Variants in DLC1 observed in about 807,000 individuals in gnomAD.
DLC1 encodes the protein rho GTPase-activating protein 7.
DLC1 carries 54 observed loss-of-function variants against 140.3 expected under a neutral mutation model. That is an observed-to-expected ratio of 0.38 (90% confidence interval 0.31 to 0.48). The LOEUF (loss-of-function observed/expected upper bound fraction) is 0.48. DLC1 is among the 20% of genes least tolerant of loss of function. The probability of loss-of-function intolerance (pLI) is 0.96; values close to 1 mark genes in which losing one functional copy is unlikely to be tolerated. For missense variants in DLC1, 2,536 were observed against 1,907.0 expected (o/e 1.33, Z -6.14); for synonymous variants, 986 against 728.1 (o/e 1.35, Z -5.70).
At chr8:13,429,069 A>C (rs1401704851) in intron 2 of DLC1, among the ~76,000 whole-genome samples, 1 of 152,214 alleles carries the variant, frequency 6.6e-6, no homozygotes, top group Non-Finnish European at 1.5e-5. Context: ...TTTACGATTA[A>C]AGGGATGAAC....
chr8:13,411,945 C>T (rs1385401568), intron 2 of DLC1, among the ~76,000 whole-genome samples: 3 of 151,966 alleles, frequency 2.0e-5, no homozygotes, highest in Non-Finnish European at 4.4e-5. Flanking sequence ...TAAATTTCAT[C>T]TGCAAGAGAA....
chr8:13,567,663 A>T (rs1002396317), intron 1 of DLC1: 5 of 1,551,840 alleles, frequency 3.2e-6, no homozygotes, highest in Non-Finnish European at 4.4e-6. Flanking sequence ...TACTGGAGTC[A>T]TTTCTACTCC....
chr8:13,237,195 A>ATGTG (rs1234302531), intron 5 of DLC1, among the ~76,000 whole-genome samples: 444 of 102,854 alleles, frequency 4.3e-3, no homozygotes, highest in South Asian at 0.032. Context: ...ATATATATAT[A>ATGTG]TATGTGTGTG....
At chr8:13,600,431 A>T (rs1486276056) in intron 1 of DLC1, among the ~76,000 whole-genome samples, 1 of 151,788 alleles carries the variant, frequency 6.6e-6, no homozygotes, top group Non-Finnish European at 1.5e-5. Context: ...TGTTATTTGG[A>T]CCCCAGAAAA....
intron 5 of DLC1, among the ~76,000 whole-genome samples, chr8:13,271,063 A>G (rs751867586): frequency 8.5e-5 from 13 of 152,172 alleles, no homozygotes; most frequent in Non-Finnish European, 1.8e-4. Flanking sequence ...TATATAATAT[A>G]TTCTCTCATC....
At chr8:13,380,261 G>A (rs1311510682) in intron 4 of DLC1, among the ~76,000 whole-genome samples, 3 of 152,068 alleles carry the variant, frequency 2.0e-5, no homozygotes, top group East Asian at 1.9e-4. Flanking sequence ...TATTCTCCCC[G>A]GAAAACTACT....
chr8:13,443,621 G>C (rs1385739527), intron 2 of DLC1, among the ~76,000 whole-genome samples: 1 of 136,224 alleles, frequency 7.3e-6, no homozygotes, highest in African/African-American at 2.8e-5. Context: ...TCGCGCCACT[G>C]CACTCCAGCC....
intron 5 of DLC1, among the ~76,000 whole-genome samples, chr8:13,219,154 T>TTA (rs1214433592): frequency 4.6e-4 from 26 of 56,968 alleles, no homozygotes; most frequent in Non-Finnish European, 7.7e-4. Context: ...AATTATATAA[T>TTA]TATATGAATA....
chr8:13,373,578 T>A (rs1835826331), intron 4 of DLC1, among the ~76,000 whole-genome samples: 1 of 152,222 alleles, frequency 6.6e-6, no homozygotes. Context: ...TGCCATAGGA[T>A]TTACACAACA....
chr8:13,327,971 C>T, intron 4 of DLC1, among the ~76,000 whole-genome samples: 1 of 152,154 alleles, frequency 6.6e-6, no homozygotes, highest in South Asian at 2.1e-4. Context: ...AGACTGGGAA[C>T]TACATGTGCA....
chr8:13,334,068 C>T (rs1308336663), intron 4 of DLC1, among the ~76,000 whole-genome samples: 1 of 151,984 alleles, frequency 6.6e-6, no homozygotes, highest in African/African-American at 2.4e-5. Flanking sequence ...AAAATAAGGC[C>T]ATATGGTGGA....
chr8:13,127,660 T>C (rs1821699961), intron 5 of DLC1, among the ~76,000 whole-genome samples: 1 of 152,200 alleles, frequency 6.6e-6, no homozygotes, highest in Non-Finnish European at 1.5e-5. Flanking sequence ...GCCATTTCAC[T>C]TCTGAAGTCT....
intron 4 of DLC1, chr8:13,353,606 C>A (rs1324842929): frequency 6.6e-6 from 1 of 152,198 alleles, no homozygotes; most frequent in Non-Finnish European, 1.5e-5. Context: ...TCTGTAATCC[C>A]AGCACTTTGG....
chr8:13,486,440 A>G (rs578082079), intron 2 of DLC1, among the ~76,000 whole-genome samples: 1 of 152,232 alleles, frequency 6.6e-6, no homozygotes, highest in East Asian at 1.9e-4. Flanking sequence ...GGTTTGTGTT[A>G]CATTTCGATG....
chr8:13,498,133 C>G (rs922278920), intron 2 of DLC1, among the ~76,000 whole-genome samples: 3 of 152,156 alleles, frequency 2.0e-5, no homozygotes, highest in Non-Finnish European at 2.9e-5. Context: ...ATGTTTTAAT[C>G]AGTGCATACC....
chr8:13,176,464 A>T (rs570808399), intron 5 of DLC1, among the ~76,000 whole-genome samples: 62 of 152,292 alleles, frequency 4.1e-4, no homozygotes, highest in African/African-American at 1.4e-3. Flanking sequence ...CTGTAGTCCC[A>T]GCTACTCTGG....
chr8:13,225,771 A>G (rs1828769357), intron 5 of DLC1, among the ~76,000 whole-genome samples: 1 of 151,578 alleles, frequency 6.6e-6, no homozygotes, highest in Non-Finnish European at 1.5e-5. Flanking sequence ...ACCCGCCACC[A>G]CGCCCGGCTA....
At chr8:13,389,851 C>G (rs1303896630) in intron 4 of DLC1, among the ~76,000 whole-genome samples, 1 of 152,054 alleles carries the variant, frequency 6.6e-6, no homozygotes, top group Non-Finnish European at 1.5e-5. Flanking sequence ...GGTAGTCGTG[C>G]TGTAATGATT....
At chr8:13,385,489 C>G (rs371096732) in intron 4 of DLC1, among the ~76,000 whole-genome samples, 2 of 151,976 alleles carry the variant, frequency 1.3e-5, no homozygotes, top group East Asian at 3.9e-4. Flanking sequence ...ATAAATGAAG[C>G]GAGTACATAA....
Sources: gnomAD v4.1 joint callset for allele counts (sites outside exome capture counted in the v4.1 genomes callset) on GRCh38, gnomAD v4.1.1 for gene constraint, MANE v1.5 for transcripts, NCBI Gene and HGNC (gene_info 2026-07-23, HGNC 2026-07-21) for gene names.